Variants in GNB4 observed in about 807,000 individuals in gnomAD.
The protein encoded by GNB4 is guanine nucleotide-binding protein subunit beta-4.
A neutral mutation model predicts 45.2 loss-of-function variants in GNB4; 28 were observed. That is an observed-to-expected ratio of 0.62 (90% confidence interval 0.46 to 0.85). The LOEUF (loss-of-function observed/expected upper bound fraction) is 0.85. GNB4 is among the 40% of genes least tolerant of loss of function. GNB4 has a pLI of 0.00. For missense variants in GNB4, 321 were observed against 425.4 expected, an observed-to-expected ratio of 0.75 and a Z score of 2.16; for synonymous variants, 132 against 143.7, an observed-to-expected ratio of 0.92 and a Z score of 0.58.
the GNB4 span, among the ~76,000 whole-genome samples, chr3:179,508,932 G>GTATATATATATATATATATA: frequency 9.6e-3 from 980 of 101,924 alleles, 39 homozygotes; most frequent in African/African-American, 0.026. Flanking sequence ...TTCAGCATGT[G>GTATATATATATATATATATA]TATATATATA....
intron 2 of GNB4, among the ~76,000 whole-genome samples, chr3:179,425,861 C>G (rs1240189986): frequency 6.6e-6 from 1 of 152,078 alleles, no homozygotes; most frequent in African/African-American, 2.4e-5. Flanking sequence ...TGGTTTTGTA[C>G]CAAAAATCTA....
intron 9 of GNB4, among the ~76,000 whole-genome samples, 171 bp downstream of exon 9, chr3:179,405,019 G>C (rs1195560960): frequency 6.6e-6 from 1 of 152,120 alleles, no homozygotes; most frequent in Non-Finnish European, 1.5e-5. Flanking sequence ...GTGTAAATAT[G>C]GCTTATGGAT....
intron 2 of GNB4, among the ~76,000 whole-genome samples, chr3:179,423,941 G>A (rs573064209): frequency 2.0e-5 from 3 of 152,212 alleles, no homozygotes; most frequent in East Asian, 1.9e-4. Context: ...AGAGTAATGC[G>A]TGTTCAGGGA....
chr3:179,515,986 A>G, the GNB4 span, among the ~76,000 whole-genome samples: 1 of 152,238 alleles, frequency 6.6e-6, no homozygotes, highest in Non-Finnish European at 1.5e-5. Context: ...TGCAAGACAC[A>G]GGGTCTGAAT....
At chr3:179,474,161 C>A in the GNB4 span, among the ~76,000 whole-genome samples, 1 of 152,082 alleles carries the variant, frequency 6.6e-6, no homozygotes, top group Non-Finnish European at 1.5e-5. Context: ...TGTACTCCAC[C>A]CTAGGCGACA....
the GNB4 span, among the ~76,000 whole-genome samples, chr3:179,486,921 G>A: frequency 6.6e-6 from 1 of 152,146 alleles, no homozygotes; most frequent in Non-Finnish European, 1.5e-5. Context: ...TAAACATCGG[G>A]CCTCACAAAA....
chr3:179,497,157 A>T, the GNB4 span, among the ~76,000 whole-genome samples: 2 of 152,160 alleles, frequency 1.3e-5, no homozygotes, highest in African/African-American at 4.8e-5. Flanking sequence ...AAAAACAGAC[A>T]CATAAGCCAA....
chr3:179,522,810 G>A, the GNB4 span, among the ~76,000 whole-genome samples: 6 of 152,204 alleles, frequency 3.9e-5, no homozygotes, highest in Middle Eastern at 3.4e-3. Flanking sequence ...AATAATGTAG[G>A]GGCCAGCCTA....
At chr3:179,469,993 T>C in the GNB4 span, among the ~76,000 whole-genome samples, 3 of 152,162 alleles carry the variant, frequency 2.0e-5, no homozygotes, top group East Asian at 3.8e-4. Context: ...AGTGATCCCA[T>C]AGATTACAAG....
At chr3:179,483,352 A>G in the GNB4 span, among the ~76,000 whole-genome samples, 2 of 151,912 alleles carry the variant, frequency 1.3e-5, no homozygotes, top group South Asian at 2.1e-4. Flanking sequence ...TATATATACT[A>G]TTTTATGAAT....
intron 9 of GNB4, among the ~76,000 whole-genome samples, chr3:179,403,805 T>TAA (rs1553850323): frequency 1.4e-5 from 2 of 141,916 alleles, no homozygotes; most frequent in African/African-American, 5.2e-5. Flanking sequence ...CTCAAAAAAA[T>TAA]AAAATAAAAT....
chr3:179,462,707 G>A, the GNB4 span, among the ~76,000 whole-genome samples: 11 of 151,962 alleles, frequency 7.2e-5, no homozygotes, highest in South Asian at 6.3e-4. Flanking sequence ...GTGTGGTGGC[G>A]CACCCCTGTA....
At position 179,436,015 on chromosome 3, in the gene GNB4, T is replaced by C. The variant is rs561804578; in HGVS notation, c.-42-9773A>G. Among the ~76,000 whole-genome samples the C allele has an allele frequency of 7.9e-5, 12 of 152,102 alleles. No homozygotes were observed. The East Asian group carries it at 2.1e-3, about 27-fold the overall frequency. On this transcript the variant is annotated intron_variant, in intron 1 of 9. Transcript: ENST00000232564. The stretch of plus-strand genomic sequence containing the variant: ...TTTTAATCTGTGCAAGACAAAAAAA[T>C]ACAAGTATTTCTTAGCTACTAAGTT...
At chr3:179,524,418 G>T in the GNB4 span, among the ~76,000 whole-genome samples, 1 of 152,258 alleles carries the variant, frequency 6.6e-6, no homozygotes, top group African/African-American at 2.4e-5. Flanking sequence ...AGGAGGTCCT[G>T]TAGGAATGCT....
At chr3:179,513,217 G>A in the GNB4 span, among the ~76,000 whole-genome samples, 49 of 130,432 alleles carry the variant, frequency 3.8e-4, no homozygotes, top group African/African-American at 1.3e-3. Context: ...TTTGAGACAG[G>A]TTCTTGTTCT....
At chr3:179,493,250 C>T in the GNB4 span, among the ~76,000 whole-genome samples, 1 of 151,934 alleles carries the variant, frequency 6.6e-6, no homozygotes, top group East Asian at 1.9e-4. Context: ...CTACAAAGTA[C>T]CTGAAAAGGA....
chr3:179,416,506 T>C lies in GNB4; in HGVS notation c.254A>G (p.Tyr85Cys). ...AAGAAATTCTACCTTATTTGTTGTA[T>C]AGCTATCCCAAATAATTAATTTTCC... is the stretch of plus-strand genomic sequence containing the variant. ...QDGKLIIWDSYTTNKMHAIPL... is the reference protein window; with the variant it reads ...QDGKLIIWDSCTTNKMHAIPL... The change falls in exon 5 of 10, where the codon TAT (tyrosine) becomes TGT (cysteine). Residue 85 changes from tyrosine (Y) to cysteine (C), a missense_variant. Coordinates refer to ENST00000232564, the MANE Select transcript of GNB4 (RefSeq NM_021629.4). 1 of 1,577,506 alleles carries C rather than the reference T, an allele frequency of 6.3e-7. No individual in the cohort carries two copies. Among genetic ancestry groups the C allele is most frequent in the Non-Finnish European group, 8.7e-7 (1 of 1,152,566 alleles).
intron 5 of GNB4, among the ~76,000 whole-genome samples, chr3:179,416,247 T>C (rs1040162164): frequency 1.3e-5 from 2 of 152,188 alleles, no homozygotes; most frequent in African/African-American, 4.8e-5. Flanking sequence ...ATATGTAAAA[T>C]GGTACTCTTC....
At chr3:179,507,046 C>A in the GNB4 span, among the ~76,000 whole-genome samples, 2 of 152,208 alleles carry the variant, frequency 1.3e-5, no homozygotes, top group East Asian at 3.8e-4. Context: ...AACACCCACC[C>A]AGCGGACCAA....
Sources: allele counts gnomAD v4.1 joint callset (sites outside exome capture counted in the v4.1 genomes callset), GRCh38; gene constraint gnomAD v4.1.1; transcripts MANE v1.5; gene names NCBI Gene and HGNC (gene_info 2026-07-23, HGNC 2026-07-21).